LGR5: variants seen among roughly 807,000 people sequenced by gnomAD.
LGR5 encodes leucine-rich repeat-containing G protein-coupled receptor 5.
LGR5 carries 54 observed loss-of-function variants against 76.7 expected under a neutral mutation model. That is an observed-to-expected ratio of 0.70 (90% CI 0.57 to 0.88). LGR5 has a LOEUF of 0.88. Among genes scored for constraint, LGR5 ranks in the 40% least tolerant of loss-of-function variants. The pLI, the probability that LGR5 is intolerant of heterozygous loss-of-function variation, is 0.00. For synonymous variants in LGR5, 406 were observed against 421.9 expected, an observed-to-expected ratio of 0.96 and a Z score of 0.46; for missense variants, 1,078 against 1,073.3, an observed-to-expected ratio of 1.00 and a Z score of -0.06.
At chr12:71,544,319 T>C (rs1310284059) in intron 4 of LGR5, among the ~76,000 whole-genome samples, 2 of 147,926 alleles carry the variant, frequency 1.4e-5, no homozygotes, top group South Asian at 2.1e-4. Flanking sequence ...TCTTCTTCTT[T>C]TTTTTTTTTT....
intron 1 of LGR5, among the ~76,000 whole-genome samples, chr12:71,454,776 AACACACACACAC>A (rs35219754): frequency 6.8e-5 from 10 of 146,944 alleles, no homozygotes; most frequent in African/African-American, 2.5e-4. Flanking sequence ...CATAGACACA[AACACACACACAC>A]ACACACACAC....
intron 3 of LGR5, among the ~76,000 whole-genome samples, chr12:71,532,503 G>GT (rs1171375939): frequency 6.6e-6 from 1 of 152,062 alleles, no homozygotes; most frequent in Admixed American, 6.5e-5. Context: ...TAATACAAAC[G>GT]TAATTACGTT....
At chr12:71,492,024 C>A (rs1874097916) in intron 1 of LGR5, among the ~76,000 whole-genome samples, 1 of 151,824 alleles carries the variant, frequency 6.6e-6, no homozygotes, top group African/African-American at 2.4e-5. Context: ...CCTTGGATTG[C>A]CTCTAACTTT....
intron 1 of LGR5, among the ~76,000 whole-genome samples, chr12:71,455,593 T>A (rs1872438586): frequency 6.6e-6 from 1 of 152,150 alleles, no homozygotes; most frequent in Admixed American, 6.6e-5. Flanking sequence ...AAGCAGACCT[T>A]CTTTCTGCCT....
intron 13 of LGR5, 36 bp downstream of exon 13, chr12:71,572,957 A>G (rs1470682601): frequency 3.3e-6 from 5 of 1,512,082 alleles, no homozygotes; most frequent in Non-Finnish European, 4.6e-6. Context: ...CCCAGCACAG[A>G]GCATTTTCTT....
chr12:71,470,723 G>C (rs915298086), intron 1 of LGR5, among the ~76,000 whole-genome samples: 1 of 152,120 alleles, frequency 6.6e-6, no homozygotes, highest in Admixed American at 6.5e-5. Context: ...CTCTAGGCAG[G>C]CTCAACTTTC....
At chr12:71,454,519 T>C (rs1872382951) in intron 1 of LGR5, among the ~76,000 whole-genome samples, 1 of 151,798 alleles carries the variant, frequency 6.6e-6, no homozygotes, top group African/African-American at 2.4e-5. Context: ...ATCCTTCAAG[T>C]GGAGAGGAGA....
chr12:71,575,910 A>G (rs1314377213), intron 13 of LGR5, among the ~76,000 whole-genome samples: 3 of 152,240 alleles, frequency 2.0e-5, no homozygotes, highest in East Asian at 3.8e-4. Flanking sequence ...ACGCAGCCAT[A>G]AGAAGGGATA....
chr12:71,507,882 T>C (rs1874936113), intron 2 of LGR5, among the ~76,000 whole-genome samples: 1 of 152,022 alleles, frequency 6.6e-6, no homozygotes, highest in African/African-American at 2.4e-5. Flanking sequence ...CCACTGACAC[T>C]ATCAATAATA....
At chr12:71,457,254 C>T (rs1481246464) in intron 1 of LGR5, among the ~76,000 whole-genome samples, 1 of 152,086 alleles carries the variant, frequency 6.6e-6, no homozygotes, top group Non-Finnish European at 1.5e-5. Flanking sequence ...CCGGCCTGGC[C>T]GTGGGAAATA....
intron 12 of LGR5, among the ~76,000 whole-genome samples, chr12:71,572,397 T>C (rs1281468940): frequency 6.6e-6 from 1 of 152,212 alleles, no homozygotes; most frequent in African/African-American, 2.4e-5. Flanking sequence ...TGTTGTTTTA[T>C]AGTCACACTT....
At chr12:71,576,906 G>A (rs1328218148) in intron 13 of LGR5, among the ~76,000 whole-genome samples, 2 of 152,060 alleles carry the variant, frequency 1.3e-5, no homozygotes, top group African/African-American at 2.4e-5. Flanking sequence ...AAGCCCAGCC[G>A]CCATTTGTAG....
intron 1 of LGR5, among the ~76,000 whole-genome samples, chr12:71,450,813 C>A (rs1872218147): frequency 6.6e-6 from 1 of 152,118 alleles, no homozygotes; most frequent in Non-Finnish European, 1.5e-5. Context: ...ACCTCGAACA[C>A]ATACGCACAC....
At chr12:71,467,760 G>C (rs1310782352) in intron 1 of LGR5, among the ~76,000 whole-genome samples, 1 of 152,176 alleles carries the variant, frequency 6.6e-6, no homozygotes, top group Non-Finnish European at 1.5e-5. Context: ...TGCCTAGAAA[G>C]TACTTGTTCT....
intron 1 of LGR5, among the ~76,000 whole-genome samples, chr12:71,461,103 G>T (rs111376451): frequency 0.014 from 2,060 of 152,280 alleles, 19 homozygotes; most frequent in Middle Eastern, 0.034. Context: ...AAGCACAGCA[G>T]CCAGAAACCA....
intron 2 of LGR5, among the ~76,000 whole-genome samples, chr12:71,511,042 C>A (rs556966573): frequency 1.6e-4 from 25 of 152,092 alleles, no homozygotes; most frequent in Middle Eastern, 3.2e-3. Flanking sequence ...CAATGGGAAG[C>A]CATTGGAGGA....
At chr12:71,477,460 T>A (rs1338037055) in intron 1 of LGR5, among the ~76,000 whole-genome samples, 1 of 149,228 alleles carries the variant, frequency 6.7e-6, no homozygotes, top group Admixed American at 6.7e-5. Context: ...ATATATTATA[T>A]GTGATAATGT....
chr12:71,561,311 C>G (rs1878045575), intron 7 of LGR5, among the ~76,000 whole-genome samples: 1 of 152,224 alleles, frequency 6.6e-6, no homozygotes, highest in South Asian at 2.1e-4. Context: ...TACAGATTCA[C>G]TGAGCCAGGG....
At chr12:71,517,666 G>A (rs1875512281) in intron 2 of LGR5, among the ~76,000 whole-genome samples, 1 of 152,072 alleles carries the variant, frequency 6.6e-6, no homozygotes, top group East Asian at 1.9e-4. Context: ...TATAGTTAGG[G>A]ACATTTTGAC....
Sources: allele counts gnomAD v4.1 joint callset (sites outside exome capture counted in the v4.1 genomes callset), GRCh38; gene constraint gnomAD v4.1.1; transcripts MANE v1.5; gene names NCBI Gene and HGNC (gene_info 2026-07-23, HGNC 2026-07-21).